CBL: variants seen among roughly 807,000 people sequenced by gnomAD.
CBL encodes E3 ubiquitin-protein ligase CBL.
In CBL, 45 loss-of-function variants were observed where a neutral mutation model predicts 96.9. That is an observed-to-expected ratio of 0.46 (90% confidence interval 0.37 to 0.60). The LOEUF is 0.60. Ranked by LOEUF, CBL falls within the 20% of genes least tolerant of loss-of-function variation. The pLI is 0.00. For synonymous variants in CBL, 420 were observed against 426.8 expected (o/e 0.98, Z 0.20); for missense variants, 1,024 against 1,143.5 (o/e 0.90, Z 1.51).
At chr11:119,237,779 T>C (rs1949556429) in intron 2 of CBL, among the ~76,000 whole-genome samples, 2 of 152,220 alleles carry the variant, frequency 1.3e-5, no homozygotes, top group Non-Finnish European at 2.9e-5. Context: ...CCATCTTGAT[T>C]ACTGTAGCTT....
chr11:119,228,764 T>TA (rs1263838993), intron 1 of CBL, among the ~76,000 whole-genome samples: 1 of 151,366 alleles, frequency 6.6e-6, no homozygotes, highest in South Asian at 2.1e-4. Flanking sequence ...AGCTGAGACT[T>TA]ACACCCACAC....
intron 2 of CBL, among the ~76,000 whole-genome samples, chr11:119,254,423 G>A (rs1232958247): frequency 6.6e-6 from 1 of 152,098 alleles, no homozygotes; most frequent in Non-Finnish European, 1.5e-5. Context: ...CAGAAACCTA[G>A]ATGATACAGC....
chr11:119,241,090 T>G (rs1380246689), intron 2 of CBL, among the ~76,000 whole-genome samples: 1 of 151,940 alleles, frequency 6.6e-6, no homozygotes, highest in African/African-American at 2.4e-5. Context: ...AAATAAAAAA[T>G]AAAAAAGAAT....
rs143276937 is a variant in CBL at position 119,273,975 on chromosome 11, A to G, written c.698A>G (p.Asn233Ser). 6.2e-6 allele frequency: 10 copies of G among 1,613,908 alleles called. No individual in the cohort carries two copies. The highest frequency in any genetic ancestry group is 6.8e-6 in the Non-Finnish European group (8 of 1,179,936). ...ALKSTIDLTC[N>S]DYISVFEFDI... is the part of the protein sequence containing the mutation. ...AAATCCACTATTGATCTGACCTGCAATGATTATATTTCGGTTTTTGAATTT... is the reference window on the plus strand; with the variant it reads ...AAATCCACTATTGATCTGACCTGCAGTGATTATATTTCGGTTTTTGAATTT... The change falls in exon 4 of 16, where the codon AAT (asparagine) becomes AGT (serine). Residue 233 changes from asparagine to serine, a missense_variant. This residue lies in a region of CBL where 192 missense variants were observed against 321.8 expected (regional missense o/e 0.60). Transcript: ENST00000264033.
In CBL at chr11:119,285,313, G is replaced by GC; in HGVS notation, c.1692dup (p.Pro566AlafsTer19). ...GGAGCAGAATCCCGACCTCAAAGAC[G>GC]CCCCTTGCCTTGTACACCAGGCGAC... On this transcript the variant is annotated frameshift_variant, in exon 11 of 16. Coordinates refer to ENST00000264033, the MANE Select transcript of CBL (RefSeq NM_005188.4). LOFTEE classifies it high-confidence loss of function. 1 of 1,613,992 alleles carries GC rather than the reference G, an allele frequency of 6.2e-7. No homozygotes were observed. Among genetic ancestry groups the GC allele is most frequent in the Non-Finnish European group, 8.5e-7 (1 of 1,180,028 alleles).
At chr11:119,214,326 T>C (rs1949341250) in intron 1 of CBL, among the ~76,000 whole-genome samples, 2 of 151,824 alleles carry the variant, frequency 1.3e-5, no homozygotes, top group African/African-American at 4.8e-5. Flanking sequence ...AGTGGCGTGA[T>C]CTCACCTCTG....
intron 2 of CBL, among the ~76,000 whole-genome samples, chr11:119,263,111 T>G (rs913715135): frequency 1.3e-5 from 2 of 152,236 alleles, no homozygotes; most frequent in East Asian, 3.8e-4. Context: ...AAACTCTTAG[T>G]GTTAACTGCT....
intron 1 of CBL, among the ~76,000 whole-genome samples, chr11:119,231,932 T>TAA (rs755171298): frequency 7.5e-5 from 10 of 132,968 alleles, no homozygotes; most frequent in East Asian, 2.1e-4. Flanking sequence ...AACATGTCTC[T>TAA]AAAAAAAAAA....
At chr11:119,283,716 C>A (rs1193897153) in intron 9 of CBL, among the ~76,000 whole-genome samples, 1 of 135,274 alleles carries the variant, frequency 7.4e-6, no homozygotes, top group Admixed American at 8.5e-5. Flanking sequence ...CGGCTCACTG[C>A]AAGCTCCGCC....
intron 2 of CBL, among the ~76,000 whole-genome samples, chr11:119,258,386 G>T (rs191478189): frequency 8.5e-5 from 13 of 152,282 alleles, no homozygotes; most frequent in African/African-American, 3.1e-4. Flanking sequence ...GAAGGTGAAG[G>T]CAGAGCAGGC....
chr11:119,228,653 A>G lies in CBL; in HGVS notation c.196-3795A>G, dbSNP rs556207975. ...GGGACAAGGTCTTGCCATGTGGCCCAGGCTGGAGTGCAGTGGCTGTTCACA... is the reference window on the plus strand; with the variant it reads ...GGGACAAGGTCTTGCCATGTGGCCCGGGCTGGAGTGCAGTGGCTGTTCACA... On this transcript the variant is annotated intron_variant, in intron 1 of 15. Transcript: ENST00000264033. Among the ~76,000 whole-genome samples the G allele has an allele frequency of 3.3e-5, 5 of 151,148 alleles. No individual in the cohort carries two copies. In the East Asian group the frequency reaches 9.7e-4, roughly 29 times the overall value.
rs1343088579 is a variant in CBL, at chr11:119,301,580, T to C, written c.*1799T>C. On this transcript the variant is annotated 3_prime_UTR_variant, in exon 16 of 16. Coordinates refer to ENST00000264033, the MANE Select transcript of CBL (RefSeq NM_005188.4). ...CTAAAACTTGTTCTAACTCGTCTCT[T>C]GGCATTCAGCTACTCCTAGATCTTT... is the stretch of plus-strand genomic sequence containing the variant. 6 of 233,200 alleles carry C rather than the reference T, an allele frequency of 2.6e-5. No homozygotes were observed. Among genetic ancestry groups the C allele is most frequent in the African/African-American group, 1.3e-4 (6 of 45,354 alleles). 14.4% of individuals were successfully genotyped at this position (233,200 alleles called of 1,614,324 possible).
chr11:119,228,772 C>T lies in CBL; in HGVS notation c.196-3676C>T, dbSNP rs1413082923. On this transcript the variant is annotated intron_variant, in intron 1 of 15. Coordinates refer to ENST00000264033, the MANE Select transcript of CBL (RefSeq NM_005188.4). ...CTGGAGTAGCTGAGACTTACACCCA[C>T]ACCACCACCACTCCTAGCTAATTCC... Among the ~76,000 whole-genome samples, 4 of 151,726 alleles carry T rather than the reference C, an allele frequency of 2.6e-5. No homozygotes were observed. In the East Asian group the frequency reaches 5.8e-4, roughly 22 times the overall value.
chr11:119,207,505 TTTTG>T (rs1428698586), intron 1 of CBL, among the ~76,000 whole-genome samples: 4 of 152,218 alleles, frequency 2.6e-5, no homozygotes, highest in South Asian at 2.1e-4. Context: ...GATTACGCTT[TTTTG>T]TTTGTTTGCT....
At chr11:119,278,480 A>G (rs368169990) in intron 8 of CBL, 30 bp from the exon 9 acceptor site, 1 of 1,585,150 alleles carries the variant, frequency 6.3e-7, no homozygotes, top group Non-Finnish European at 8.7e-7. Flanking sequence ...TTTCAGATGC[A>G]TCTGTTACTA....
chr11:119,284,689 T>C (rs1012115090), intron 9 of CBL, among the ~76,000 whole-genome samples: 4 of 152,194 alleles, frequency 2.6e-5, no homozygotes, highest in Non-Finnish European at 5.9e-5. Flanking sequence ...ACTAGGAAAC[T>C]TTTTGTAGCC....
intron 9 of CBL, among the ~76,000 whole-genome samples, chr11:119,282,800 C>A (rs73003093): frequency 1.3e-5 from 2 of 152,084 alleles, no homozygotes; most frequent in Non-Finnish European, 2.9e-5. Context: ...TAATAAATCA[C>A]GGCCACCCGC....
At chr11:119,217,325 T>C (rs1311955097) in intron 1 of CBL, among the ~76,000 whole-genome samples, 1 of 152,106 alleles carries the variant, frequency 6.6e-6, no homozygotes, top group African/African-American at 2.4e-5. Context: ...GTTGATCAGG[T>C]TGGTCTCGAA....
At chr11:119,212,519 G>T (rs1039711353) in intron 1 of CBL, among the ~76,000 whole-genome samples, 8 of 151,794 alleles carry the variant, frequency 5.3e-5, no homozygotes, top group South Asian at 2.1e-4. Context: ...CCAGCTACTC[G>T]GGAGGCTGAG....
Sources: allele counts gnomAD v4.1 joint callset (sites outside exome capture counted in the v4.1 genomes callset), GRCh38; gene constraint gnomAD v4.1.1; regional missense constraint gnomAD v4.1.1; transcripts MANE v1.5; gene names NCBI Gene and HGNC (gene_info 2026-07-23, HGNC 2026-07-21).